PLD2: variants seen among roughly 807,000 people sequenced by gnomAD.
The protein encoded by PLD2 is phospholipase D2, also known as choline phosphatase 2.
A neutral mutation model predicts 119.8 loss-of-function variants in PLD2; 101 were observed. The observed-to-expected ratio is 0.84, with a 90% CI of 0.72 to 0.99. The LOEUF is 0.99. Ranked by LOEUF, PLD2 falls within the 50% of genes least tolerant of loss-of-function variation. PLD2 has a pLI of 0.00. For synonymous variants in PLD2, 494 were observed against 482.8 expected (o/e 1.02, Z -0.30); for missense variants, 1,164 against 1,226.8 (o/e 0.95, Z 0.76).
intron 14 of PLD2, 101 bp from the exon 15 acceptor site, chr17:4,816,519 C>T: frequency 8.1e-7 from 1 of 1,236,064 alleles, no homozygotes. Context: ...CATTCTTCCT[C>T]TCGGTCTCTC....
At position 4,808,039 on chromosome 17, in the gene PLD2, C is replaced by A. The variant is rs780092060; in HGVS notation, c.165C>A (p.His55Gln). 6.2e-7 allele frequency: 1 copy of A among 1,613,060 alleles called. No individual in the cohort carries two copies. The highest frequency in any genetic ancestry group is 8.5e-7 in the Non-Finnish European group (1 of 1,179,146). Reference protein sequence around the residue: ...AIYELQSLKVHPLVFAPGVPV... With the variant: ...AIYELQSLKVQPLVFAPGVPV... ...ATGAGCTTCAGTCTCTGAAAGTGCACCCCTTGGTGTTCGCACCTGGGGTCC... is the reference window on the plus strand; with the variant it reads ...ATGAGCTTCAGTCTCTGAAAGTGCAACCCTTGGTGTTCGCACCTGGGGTCC... Residue 55 changes from histidine (H) to glutamine (Q), a missense_variant, in exon 3 of 25, where the codon CAC becomes CAA. His to Gln is a conservative substitution (Grantham distance 24). Transcript: ENST00000263088. This position sits in a 1 kb window ranked among gnomAD's most constrained non-coding sequence, Gnocchi z 4.1.
Position 4,809,138 on chromosome 17 carries a change from A to G in PLD2, c.422A>G (p.Asn141Ser), listed in dbSNP as rs781597197. 77 of 1,614,002 alleles carry G rather than the reference A, an allele frequency of 4.8e-5. No individual in the cohort carries two copies. The South Asian group carries it at 5.9e-4, about 12-fold the overall frequency. ...VAYSPARDAGNREMPSLPRAG... is the reference protein window; with the variant it reads ...VAYSPARDAGSREMPSLPRAG... ...TATTCTCCAGCCCGAGATGCAGGCA[A>G]CAGAGAGATGCCCTCTCTACCCCGG... The change falls in exon 5 of 25, where the codon AAC becomes AGC. Residue 141 changes from asparagine (N) to serine (S), a missense_variant. Physicochemically the swap from Asn to Ser is conservative, Grantham distance 46. Transcript: ENST00000263088.
intron 10 of PLD2, 111 bp from the exon 11 acceptor site, chr17:4,814,307 T>G: frequency 2.7e-6 from 4 of 1,503,538 alleles, no homozygotes; most frequent in South Asian, 1.3e-5. Flanking sequence ...TGATCATTTC[T>G]GATCTTTGAC....
In PLD2 at chr17:4,807,852, T is replaced by G; in HGVS notation, c.80T>G (p.Val27Gly). 1 of 1,611,534 alleles carries G rather than the reference T, an allele frequency of 6.2e-7. No homozygotes were observed. The highest frequency in any genetic ancestry group is 8.5e-7 in the Non-Finnish European group (1 of 1,179,232). Residue 27 changes from valine (V) to glycine (G), a missense_variant, in exon 2 of 25, where the codon GTG becomes GGG. Val to Gly is a moderately radical substitution (Grantham distance 109, BLOSUM62 -3). Coordinates refer to ENST00000263088, the MANE Select transcript of PLD2 (RefSeq NM_002663.5). This position sits in a 1 kb window ranked among gnomAD's most constrained non-coding sequence, Gnocchi z 5.4. ...SSQLQMESDEVDTLKEGEDPA... is the reference protein window; with the variant it reads ...SSQLQMESDEGDTLKEGEDPA... ...CAGCTCCAGATGGAGTCCGATGAGG[T>G]GGACACCCTGAAGGAGGGAGAGGAC... is the stretch of plus-strand genomic sequence containing the variant.
Position 4,821,816 on chromosome 17 carries a change from G to C in PLD2, c.2486G>C (p.Arg829Pro), listed in dbSNP as rs188978323. The change falls in exon 24 of 25, where the codon CGG (arginine) becomes CCG (proline). Residue 829 changes from arginine (R) to proline (P), a missense_variant. Arg to Pro is a moderately radical substitution (Grantham distance 103). Coordinates refer to ENST00000263088, the MANE Select transcript of PLD2 (RefSeq NM_002663.5). ...AGTGTGATTCTTGGAGCAAATACCC[G>C]GCCAGACTTGGATCTCCGAGACCCC... ...CFGVILGANT[R>P]PDLDLRDPIC... 35 of 1,613,884 alleles carry C rather than the reference G, an allele frequency of 2.2e-5. No homozygotes were observed. Among genetic ancestry groups the C allele is most frequent in the Middle Eastern group, 1.7e-4 (1 of 6,060 alleles).
Position 4,816,805 on chromosome 17 carries a change from C to A in PLD2, c.1582+59C>A, listed in dbSNP as rs1332831803. On this transcript the variant is annotated intron_variant, in intron 15 of 24. Transcript: ENST00000263088. ...CTGAGAGCAGGGTCAGAAGCTGGGG[C>A]TGGTACTGAGAGTGGGATGAGAGGG... The A allele has an allele frequency of 3.7e-6, 6 of 1,612,400 alleles. No homozygotes were observed. The African/African-American group carries it at 6.7e-5, about 18-fold the overall frequency.
Position 4,821,904 on chromosome 17 carries a change from G to A in PLD2, c.2574G>A (p.Glu858=). The change falls in exon 24 of 25, where the codon GAG becomes GAA. Residue 858 remains glutamate (E), a synonymous_variant. Coordinates refer to ENST00000263088, the MANE Select transcript of PLD2 (RefSeq NM_002663.5). ...DMAESNANIY[E]QIFRCLPSNA... ...CTGAGAGCAACGCCAATATCTATGA[G>A]CAGGTGGGAACTTGGGAGGGGTGGG... 6.2e-7 allele frequency: 1 copy of A among 1,609,176 alleles called. No homozygotes were observed. The highest frequency in any genetic ancestry group is 8.5e-7 in the Non-Finnish European group (1 of 1,175,642).
At chr17:4,818,157 G>A (rs759986848) in intron 18 of PLD2, 51 bp downstream of exon 18, 1 of 1,444,304 alleles carries the variant, frequency 6.9e-7, no homozygotes, top group Non-Finnish European at 9.7e-7. Flanking sequence ...TCCCAGGAGA[G>A]AGACCTGGGG....
At chr17:4,814,900 C>T (rs1906822044) in intron 12 of PLD2, among the ~76,000 whole-genome samples, 189 bp downstream of exon 12, 1 of 152,148 alleles carries the variant, frequency 6.6e-6, no homozygotes, top group African/African-American at 2.4e-5. Context: ...TGACAACTTC[C>T]TCTTCATGCT....
chr17:4,810,442 C>T (rs773836169), intron 9 of PLD2, among the ~76,000 whole-genome samples: 2 of 151,886 alleles, frequency 1.3e-5, no homozygotes, highest in Non-Finnish European at 2.9e-5. Context: ...GTCAGGAGTT[C>T]GAGACCAGCC....
chr17:4,808,495 A>C lies in PLD2; in HGVS notation c.383+79A>C. ...TCTGTCTGTCTCACCCCGGGGCCAC[A>C]ACCTTTCCTCCCTGCAACTCTGGCC... is the stretch of plus-strand genomic sequence containing the variant. On this transcript the variant is annotated intron_variant, in intron 4 of 24. Transcript: ENST00000263088. This position sits in a 1 kb window ranked among gnomAD's most constrained non-coding sequence, Gnocchi z 4.1. The C allele has an allele frequency of 7.0e-7, 1 of 1,435,702 alleles. No individual in the cohort carries two copies. The highest frequency in any genetic ancestry group is 9.6e-7 in the Non-Finnish European group (1 of 1,038,198). 88.9% of individuals were successfully genotyped at this position (1,435,702 alleles called of 1,614,324 possible).
rs1044029287 is a variant in PLD2, at chr17:4,819,281, G to A, written c.2308+63G>A. On this transcript the variant is annotated intron_variant, in intron 22 of 24. Transcript: ENST00000263088. The surrounding 1 kb of genome is among the most constrained non-coding windows in gnomAD (Gnocchi z 4.2). Reference sequence around the variant, plus strand: ...GTGGGGACAGGCGAAGAGATGAGAGGCAGGATGACAGAGACTGCAGCTGAG... The same window carrying A: ...GTGGGGACAGGCGAAGAGATGAGAGACAGGATGACAGAGACTGCAGCTGAG... The A allele has an allele frequency of 6.2e-7, 1 of 1,605,362 alleles. No homozygotes were observed. The highest frequency in any genetic ancestry group is 1.7e-5 in the Admixed American group (1 of 59,826).
At position 4,807,997 on chromosome 17, in the gene PLD2, C is replaced by A. The variant is rs763179321; in HGVS notation, c.123C>A (p.His41Gln). The A allele has an allele frequency of 6.2e-7, 1 of 1,609,278 alleles. No homozygotes were observed. The highest frequency in any genetic ancestry group is 8.5e-7 in the Non-Finnish European group (1 of 1,176,046). ...CTTTCCTCCCAGCCGACCGGATGCA[C>A]CCGTTTCTGGCCATCTATGAGCTTC... ...KEGEDPADRM[H>Q]PFLAIYELQS... Residue 41 changes from histidine (H) to glutamine (Q), a missense_variant, in exon 3 of 25, where the codon CAC becomes CAA. Physicochemically the swap from His to Gln is conservative, Grantham distance 24. Coordinates refer to ENST00000263088, the MANE Select transcript of PLD2 (RefSeq NM_002663.5). This position sits in a 1 kb window ranked among gnomAD's most constrained non-coding sequence, Gnocchi z 5.4.
chr17:4,814,248 G>A (rs370567898), intron 10 of PLD2, 170 bp from the exon 11 acceptor site: 35 of 927,374 alleles, frequency 3.8e-5, no homozygotes, highest in East Asian at 2.6e-4. Flanking sequence ...TGTATTTAGC[G>A]CATATGGGCA....
At chr17:4,813,826 T>C (rs7213994) in intron 10 of PLD2, among the ~76,000 whole-genome samples, 45,677 of 152,042 alleles carry the variant, frequency 0.3, 6,956 homozygotes, top group East Asian at 0.38. Flanking sequence ...GCCATTGCAC[T>C]CCAGCCTGGG....
rs368666661 is a variant in PLD2 at position 4,819,193 on chromosome 17, C to A, written c.2283C>A (p.Ile761=). 6.2e-7 allele frequency: 1 copy of A among 1,614,120 alleles called. No homozygotes were observed. Among genetic ancestry groups the A allele is most frequent in the South Asian group, 1.1e-5 (1 of 91,084 alleles). ...TCTACATCCACAGCAAGGTGCTCAT[C>A]GCAGATGACCGGACAGTCATCATTG... ...ELIYIHSKVL[I]ADDRTVIIGS... The change falls in exon 22 of 25, where the codon ATC becomes ATA. Residue 761 remains isoleucine (I), a synonymous_variant. Coordinates refer to ENST00000263088, the MANE Select transcript of PLD2 (RefSeq NM_002663.5). The surrounding 1 kb of genome is among the most constrained non-coding windows in gnomAD (Gnocchi z 4.2).
intron 15 of PLD2, 90 bp downstream of exon 15, chr17:4,816,836 C>G (rs2302325): frequency 0.46 from 730,666 of 1,596,622 alleles, 171,432 homozygotes; most frequent in African/African-American, 0.73. Context: ...GAGGGGTCAA[C>G]GGTGGTACAG....
Position 4,815,566 on chromosome 17 carries a change from C to G in PLD2, c.1264C>G (p.Leu422Val). ...NSGYSKRALM[L>V]LHPNIKVMRH... ...TGGCTATAGCAAGAGGGCGCTGATGCTGCTGCACCCCAACATAAAGGTGAC... is the reference window on the plus strand; with the variant it reads ...TGGCTATAGCAAGAGGGCGCTGATGGTGCTGCACCCCAACATAAAGGTGAC... The change falls in exon 13 of 25, where the codon CTG (leucine) becomes GTG (valine). Residue 422 changes from leucine (L) to valine (V), a missense_variant. By Grantham distance (32) the Leu-to-Val change is conservative. Transcript: ENST00000263088. The G allele has an allele frequency of 6.2e-7, 1 of 1,612,506 alleles. No homozygotes were observed. Among genetic ancestry groups the G allele is most frequent in the Non-Finnish European group, 8.5e-7 (1 of 1,178,652 alleles).
At position 4,819,051 on chromosome 17, in the gene PLD2, A is replaced by G. The variant is rs541579037; in HGVS notation, c.2174-33A>G. The G allele has an allele frequency of 6.2e-7, 1 of 1,612,316 alleles. No individual in the cohort carries two copies. The highest frequency in any genetic ancestry group is 8.5e-7 in the Non-Finnish European group (1 of 1,179,008). On this transcript the variant is annotated intron_variant, in intron 21 of 24. Coordinates refer to ENST00000263088, the MANE Select transcript of PLD2 (RefSeq NM_002663.5). This position sits in a 1 kb window ranked among gnomAD's most constrained non-coding sequence, Gnocchi z 4.2. Reference sequence around the variant, plus strand: ...GACAGGGCCCTGTGCACACAGAGCCACCTCTCACCTCACTTCCCCTCCTGT... The same window carrying G: ...GACAGGGCCCTGTGCACACAGAGCCGCCTCTCACCTCACTTCCCCTCCTGT...
Sources: allele counts gnomAD v4.1 joint callset (sites outside exome capture counted in the v4.1 genomes callset), GRCh38; gene constraint gnomAD v4.1.1; non-coding constraint Gnocchi (gnomAD v3.1); transcripts MANE v1.5; gene names NCBI Gene and HGNC (gene_info 2026-07-23, HGNC 2026-07-21).